The following MMP14 variants were observed in gnomAD, a reference collection of about 807,000 sequenced individuals.
MMP14 encodes the protein matrix metalloproteinase-14.
MMP14 carries 13 observed loss-of-function variants against 64.8 expected under a neutral mutation model. That is an observed-to-expected ratio of 0.20 (90% CI 0.13 to 0.32). MMP14 has a LOEUF of 0.32. Ranked by LOEUF, MMP14 falls within the 10% of genes least tolerant of loss-of-function variation. The probability of loss-of-function intolerance (pLI) is 1.00; values close to 1 mark genes in which losing one functional copy is unlikely to be tolerated. For missense variants in MMP14, 594 were observed against 783.8 expected (o/e 0.76, Z 2.89); for synonymous variants, 322 against 315.9 (o/e 1.02, Z -0.20).
In MMP14 at chr14:22,842,199, C is replaced by G; in HGVS notation, c.380+164C>G. 9.2e-7 allele frequency: 1 copy of G among 1,086,668 alleles called. No individual in the cohort carries two copies. The highest frequency in any genetic ancestry group is 1.3e-6 in the Non-Finnish European group (1 of 757,174). The allele number at this position is 1,086,668 out of a possible 1,614,324, so 67.3% of individuals were successfully genotyped here. ...GCTCTCATCCTTGAGAGAGGTGTAGCCATCAAGGGTGCACCCCAGTGCCAG... is the reference window on the plus strand; with the variant it reads ...GCTCTCATCCTTGAGAGAGGTGTAGGCATCAAGGGTGCACCCCAGTGCCAG... On this transcript the variant is annotated intron_variant, in intron 3 of 9. Transcript: ENST00000311852. The surrounding 1 kb of genome is among the most constrained non-coding windows in gnomAD (Gnocchi z 5.3).
chr14:22,843,531 C>T lies in MMP14; in HGVS notation c.850+113C>T. ...CTCCGCACCGCCCCCTGCCAACCTGCCCCTGCCTCTATCAGCTCCACTTTT... is the reference window on the plus strand; with the variant it reads ...CTCCGCACCGCCCCCTGCCAACCTGTCCCTGCCTCTATCAGCTCCACTTTT... On this transcript the variant is annotated intron_variant, in intron 5 of 9. Transcript: ENST00000311852. This position sits in a 1 kb window ranked among gnomAD's most constrained non-coding sequence, Gnocchi z 4.8. The T allele has an allele frequency of 7.0e-7, 1 of 1,421,720 alleles. No individual in the cohort carries two copies. The highest frequency in any genetic ancestry group is 2.1e-5 in the Admixed American group (1 of 48,336). The allele number at this position is 1,421,720 out of a possible 1,614,324, so 88.1% of individuals were successfully genotyped here.
chr14:22,838,288 C>G (rs1452990515), intron 1 of MMP14, among the ~76,000 whole-genome samples: 1 of 152,180 alleles, frequency 6.6e-6, no homozygotes, highest in Non-Finnish European at 1.5e-5. Context: ...GGGGAGCTGC[C>G]GACCGCCAAC....
At chr14:22,839,643 G>A (rs939639133) in intron 1 of MMP14, among the ~76,000 whole-genome samples, 2 of 152,256 alleles carry the variant, frequency 1.3e-5, no homozygotes, top group East Asian at 1.9e-4. Context: ...TGCCCCTGTG[G>A]GCTCAGGTCC....
intron 1 of MMP14, 40 bp downstream of exon 1, chr14:22,836,965 C>G: frequency 6.5e-7 from 1 of 1,540,482 alleles, no homozygotes; most frequent in Non-Finnish European, 8.9e-7. Flanking sequence ...TCGCGCCCGC[C>G]GGGAGGCGAG....
Position 22,846,402 on chromosome 14 carries a change from C to G in MMP14, c.*363C>G, listed in dbSNP as rs559328662. On this transcript the variant is annotated 3_prime_UTR_variant, in exon 10 of 10. Transcript: ENST00000311852. ...GCTGGTAAAGGTCAAATGGGGTCATCTGCTCCTTTTCCATCCCCTGACATA... is the reference window on the plus strand; with the variant it reads ...GCTGGTAAAGGTCAAATGGGGTCATGTGCTCCTTTTCCATCCCCTGACATA... 1.6e-4 allele frequency: 39 copies of G among 246,422 alleles called. No homozygotes were observed. Among genetic ancestry groups the G allele is most frequent in the African/African-American group, 8.5e-4 (38 of 44,630 alleles). The allele number at this position is 246,422 out of a possible 1,614,324, so 15.3% of individuals were successfully genotyped here. A position where few individuals can be genotyped will look rare whatever the true frequency, so the allele number is the denominator to read the frequency against.
rs147241325 is a variant in MMP14 at position 22,844,373 on chromosome 14, G to A, written c.1014G>A (p.Glu338=). 1.1e-4 allele frequency: 183 copies of A among 1,614,042 alleles called. No homozygotes were observed. The highest frequency in any genetic ancestry group is 4.9e-4 in the Middle Eastern group (3 of 6,084). ...TTCCTGCATTGACCGGCTTCCAGGAGCGCTGGTTCTGGCGGGTGAGGAATA... is the reference window on the plus strand; with the variant it reads ...TTCCTGCATTGACCGGCTTCCAGGAACGCTGGTTCTGGCGGGTGAGGAATA... ...MLRGEMFVFK[E]RWFWRVRNNQ... The change falls in exon 7 of 10, where the codon GAG becomes GAA. Residue 338 remains glutamate (E), a splice_region_variant and synonymous_variant. Coordinates refer to ENST00000311852, the MANE Select transcript of MMP14 (RefSeq NM_004995.4).
At position 22,841,931 on chromosome 14, in the gene MMP14, A is replaced by G. The variant is rs2039775882; in HGVS notation, c.276A>G (p.Arg92=). The change falls in exon 3 of 10, where the codon CGA becomes CGG. Residue 92 remains arginine, a synonymous_variant. Transcript: ENST00000311852. ...ADTMKAMRRP[R]CGVPDKFGAE... is the part of the protein sequence containing the mutation. ...ACTCCAGGGCCATGAGGCGCCCCCG[A>G]TGTGGTGTTCCAGACAAGTTTGGGG... is the stretch of plus-strand genomic sequence containing the variant. The G allele has an allele frequency of 6.2e-7, 1 of 1,614,188 alleles. No homozygotes were observed. The highest frequency in any genetic ancestry group is 2.2e-5 in the East Asian group (1 of 44,886).
intron 1 of MMP14, 94 bp from the exon 2 acceptor site, chr14:22,841,397 C>T: frequency 2.0e-6 from 3 of 1,517,732 alleles, no homozygotes; most frequent in East Asian, 2.3e-5. Context: ...CCTTTCCTTG[C>T]CAAGCCAAGG....
chr14:22,845,735 A>G lies in MMP14; in HGVS notation c.1445A>G (p.Lys482Arg), dbSNP rs1285088969. 1.2e-6 allele frequency: 2 copies of G among 1,614,036 alleles called. No individual in the cohort carries two copies. Among genetic ancestry groups the G allele is most frequent in the East Asian group, 4.5e-5 (2 of 44,878 alleles). The change falls in exon 10 of 10, where the codon AAA (lysine) becomes AGA (arginine). Residue 482 changes from lysine to arginine, a missense_variant. Coordinates refer to ENST00000311852, the MANE Select transcript of MMP14 (RefSeq NM_004995.4). ...EVFTYFYKGN[K>R]YWKFNNQKLK... Reference sequence around the variant, plus strand: ...TTCACTTACTTCTACAAGGGGAACAAATACTGGAAATTCAACAACCAGAAG... The same window carrying G: ...TTCACTTACTTCTACAAGGGGAACAGATACTGGAAATTCAACAACCAGAAG...
In MMP14 at chr14:22,845,907, G is replaced by A. The variant is rs781365741; in HGVS notation, c.1617G>A (p.Ala539=). 3.4e-5 allele frequency: 54 copies of A among 1,610,306 alleles called. 1 individual carries two copies. Among genetic ancestry groups the A allele is most frequent in the Admixed American group, 1.2e-4 (7 of 59,236 alleles). Residue 539 remains alanine (A), a synonymous_variant, in exon 10 of 10, where the codon GCG becomes GCA. Coordinates refer to ENST00000311852, the MANE Select transcript of MMP14 (RefSeq NM_004995.4). ...VDEEGGGAVS[A]AAVVLPVLLL... is the part of the protein sequence containing the mutation. ...AGGAGGGCGGCGGGGCGGTGAGCGC[G>A]GCTGCCGTGGTGCTGCCCGTGCTGC... is the stretch of plus-strand genomic sequence containing the variant.
In MMP14 at chr14:22,843,226, G is replaced by C; in HGVS notation, c.689-31G>C. The C allele has an allele frequency of 6.3e-7, 1 of 1,594,654 alleles. No individual in the cohort carries two copies. Among genetic ancestry groups the C allele is most frequent in the African/African-American group, 1.3e-5 (1 of 74,656 alleles). On this transcript the variant is annotated intron_variant, in intron 4 of 9. Transcript: ENST00000311852. This position sits in a 1 kb window ranked among gnomAD's most constrained non-coding sequence, Gnocchi z 4.8. ...AGGGAGGCTGAGGGAAGGGACTCAG[G>C]CTGCTATCGTCACTGTCCCCATCCT...
chr14:22,840,712 G>A (rs922753165), intron 1 of MMP14, among the ~76,000 whole-genome samples: 1 of 152,002 alleles, frequency 6.6e-6, no homozygotes, highest in Non-Finnish European at 1.5e-5. Flanking sequence ...GGGTTTCACC[G>A]TGTTAGCCAG....
chr14:22,845,751 C>T lies in MMP14; in HGVS notation c.1461C>T (p.Asn487=). 6.2e-7 allele frequency: 1 copy of T among 1,614,154 alleles called. No individual in the cohort carries two copies. The highest frequency in any genetic ancestry group is 2.2e-5 in the East Asian group (1 of 44,884). Residue 487 remains asparagine (N), a synonymous_variant, in exon 10 of 10, where the codon AAC becomes AAT. Coordinates refer to ENST00000311852, the MANE Select transcript of MMP14 (RefSeq NM_004995.4). The part of the protein sequence containing the change: ...FYKGNKYWKF[N]NQKLKVEPGY... The stretch of plus-strand genomic sequence containing the variant: ...AGGGGAACAAATACTGGAAATTCAA[C>T]AACCAGAAGCTGAAGGTAGAACCGG...
intron 1 of MMP14, chr14:22,837,139 C>G (rs2039739504): frequency 1.5e-6 from 1 of 689,062 alleles, no homozygotes; most frequent in South Asian, 1.5e-5. Context: ...CCCCCACCCC[C>G]TGCGCCGCCG....
chr14:22,843,740 C>T lies in MMP14; in HGVS notation c.881C>T (p.Pro294Leu), dbSNP rs1401750306. The T allele has an allele frequency of 6.2e-7, 1 of 1,601,116 alleles. No homozygotes were observed. The highest frequency in any genetic ancestry group is 1.1e-5 in the South Asian group (1 of 89,000). ...GAGTCAGGGTTCCCCACCAAGATGC[C>T]CCCTCAACCCAGGACTACCTCCCGG... The part of the protein sequence containing the change: ...GGESGFPTKM[P>L]PQPRTTSRPS... Residue 294 changes from proline (P) to leucine (L), a missense_variant, in exon 6 of 10, where the codon CCC (proline) becomes CTC (leucine). Physicochemically the swap from Pro to Leu is moderately conservative, Grantham distance 98. Transcript: ENST00000311852. The surrounding 1 kb of genome is among the most constrained non-coding windows in gnomAD (Gnocchi z 4.8).
At position 22,843,935 on chromosome 14, in the gene MMP14, C is replaced by T; in HGVS notation, c.1011+65C>T. ...TATGGGCTGGGCATGGTGGCTCATG[C>T]CTGTAATCCTAGCACTTTGAGAGGC... On this transcript the variant is annotated intron_variant, in intron 6 of 9. Coordinates refer to ENST00000311852, the MANE Select transcript of MMP14 (RefSeq NM_004995.4). This position sits in a 1 kb window ranked among gnomAD's most constrained non-coding sequence, Gnocchi z 4.8. 4 of 1,573,652 alleles carry T rather than the reference C, an allele frequency of 2.5e-6. No homozygotes were observed. Among genetic ancestry groups the T allele is most frequent in the Non-Finnish European group, 3.4e-6 (4 of 1,164,866 alleles).
At chr14:22,837,356 G>A (rs1220136240) in intron 1 of MMP14, 8 of 456,938 alleles carry the variant, frequency 1.8e-5, no homozygotes, top group Non-Finnish European at 2.6e-5. Context: ...GCTCTCCAGC[G>A]CTCTCCCGCC....
chr14:22,845,633 G>C (rs776804002), intron 9 of MMP14, 75 bp from the exon 10 acceptor site: 227 of 1,478,108 alleles, frequency 1.5e-4, no homozygotes, highest in Non-Finnish European at 1.9e-4. Flanking sequence ...CACATTAACA[G>C]AGCTTCCCTC....
At position 22,847,490 on chromosome 14, in the gene MMP14, G is replaced by C. The variant is rs2331773; in HGVS notation, c.*1451G>C. The C allele has an allele frequency of 6.6e-6, 1 of 150,674 alleles. No individual in the cohort carries two copies. Among genetic ancestry groups the C allele is most frequent in the Non-Finnish European group, 1.5e-5 (1 of 67,688 alleles). 9.3% of individuals were successfully genotyped at this position (150,674 alleles called of 1,614,324 possible). A position where few individuals can be genotyped will look rare whatever the true frequency, so the allele number is the denominator to read the frequency against. The stretch of plus-strand genomic sequence containing the variant: ...CGGGGGGGTGGGGCACGGGGTAGGG[G>C]AAATGGGGTGAACGGTGCTGGCAGT... On this transcript the variant is annotated 3_prime_UTR_variant, in exon 10 of 10. Transcript: ENST00000311852.
Sources: allele counts gnomAD v4.1 joint callset (sites outside exome capture counted in the v4.1 genomes callset), GRCh38; gene constraint gnomAD v4.1.1; non-coding constraint Gnocchi (gnomAD v3.1); transcripts MANE v1.5; gene names NCBI Gene and HGNC (gene_info 2026-07-23, HGNC 2026-07-21).